Variants in ZFPM2 observed in about 807,000 individuals in gnomAD.
The protein encoded by ZFPM2 is zinc finger protein, FOG family member 2.
In ZFPM2, 20 loss-of-function variants were observed where a neutral mutation model predicts 98.6. That is an observed-to-expected ratio of 0.20 (90% CI 0.14 to 0.29). The LOEUF is 0.29. Ranked by LOEUF, ZFPM2 falls within the 10% of genes least tolerant of loss-of-function variation. ZFPM2 has a pLI of 1.00. For missense variants in ZFPM2, 1,310 were observed against 1,388.6 expected (o/e 0.94, Z 0.90); for synonymous variants, 518 against 502.7 (o/e 1.03, Z -0.41).
At chr8:105,599,129 A>C (rs1178964031) in intron 4 of ZFPM2, among the ~76,000 whole-genome samples, 4 of 152,044 alleles carry the variant, frequency 2.6e-5, no homozygotes, top group Non-Finnish European at 5.9e-5. Flanking sequence ...GAACCTAAGA[A>C]AAAAATTAAA....
chr8:105,415,177 C>T (rs1811657018), intron 1 of ZFPM2, among the ~76,000 whole-genome samples: 1 of 152,100 alleles, frequency 6.6e-6, no homozygotes, highest in African/African-American at 2.4e-5. Context: ...TCTCATTGTT[C>T]AACCAGTATA....
At chr8:105,326,845 A>AAT (rs143266803) in intron 1 of ZFPM2, among the ~76,000 whole-genome samples, 2,082 of 148,236 alleles carry the variant, frequency 0.014, 18 homozygotes, top group African/African-American at 0.033. Context: ...ACAACTCATA[A>AAT]ATATATATAT....
chr8:105,648,554 G>GTGTAAGGAA, intron 5 of ZFPM2, among the ~76,000 whole-genome samples: 1 of 152,172 alleles, frequency 6.6e-6, no homozygotes, highest in East Asian at 1.9e-4. Context: ...TAATTTTTAT[G>GTGTAAGGAA]TAAGGTGTAA....
chr8:105,429,609 A>AT (rs1206947811), intron 2 of ZFPM2, among the ~76,000 whole-genome samples: 3 of 151,374 alleles, frequency 2.0e-5, no homozygotes, highest in African/African-American at 4.9e-5. Flanking sequence ...GTACTCCTAT[A>AT]TTCTGTATTG....
intron 1 of ZFPM2, among the ~76,000 whole-genome samples, chr8:105,330,553 C>CACAT (rs1554594962): frequency 2.5e-4 from 23 of 92,442 alleles, no homozygotes; most frequent in Non-Finnish European, 1.5e-4. Flanking sequence ...TATATATATA[C>CACAT]ATATATATAT....
chr8:105,349,104 C>A (rs1185586876), intron 1 of ZFPM2, among the ~76,000 whole-genome samples: 1 of 152,054 alleles, frequency 6.6e-6, no homozygotes, highest in African/African-American at 2.4e-5. Context: ...ACAGGTTTTA[C>A]TATTATTTGG....
chr8:105,745,875 T>G (rs972847153), intron 5 of ZFPM2, among the ~76,000 whole-genome samples: 2 of 152,080 alleles, frequency 1.3e-5, no homozygotes, highest in Non-Finnish European at 2.9e-5. Flanking sequence ...TTCTCATGCC[T>G]CAGCCTCCTG....
intron 1 of ZFPM2, among the ~76,000 whole-genome samples, chr8:105,325,775 C>T (rs1294124222): frequency 6.6e-6 from 1 of 151,512 alleles, no homozygotes; most frequent in Non-Finnish European, 1.5e-5. Flanking sequence ...ACTGTCAGGC[C>T]GTCTTTTTGA....
At chr8:105,457,680 G>T (rs757316216) in intron 3 of ZFPM2, among the ~76,000 whole-genome samples, 6 of 152,178 alleles carry the variant, frequency 3.9e-5, no homozygotes, top group Non-Finnish European at 7.3e-5. Context: ...CTCATAGATA[G>T]AAAATGGTTT....
At chr8:105,513,824 A>T (rs548380577) in intron 3 of ZFPM2, among the ~76,000 whole-genome samples, 1 of 152,206 alleles carries the variant, frequency 6.6e-6, no homozygotes, top group South Asian at 2.1e-4. Flanking sequence ...TAATGTATGG[A>T]TTGGTTTATT....
Position 105,455,403 on chromosome 8 carries a change from T to C in ZFPM2, c.301+11022T>C, listed in dbSNP as rs965638103. Among the ~76,000 whole-genome samples, 4 of 152,188 alleles carry C rather than the reference T, an allele frequency of 2.6e-5. No individual in the cohort carries two copies. In the East Asian group the frequency reaches 7.7e-4, roughly 29 times the overall value. ...TGCAGCTTTTTCAAAACCGTTGTCATGAGAAGGGAGGTGAATTCAAGGCCA... is the reference window on the plus strand; with the variant it reads ...TGCAGCTTTTTCAAAACCGTTGTCACGAGAAGGGAGGTGAATTCAAGGCCA... On this transcript the variant is annotated intron_variant, in intron 3 of 7. Coordinates refer to ENST00000407775, the MANE Select transcript of ZFPM2 (RefSeq NM_012082.4).
chr8:105,694,537 T>C (rs920283879), intron 5 of ZFPM2, among the ~76,000 whole-genome samples: 2 of 152,238 alleles, frequency 1.3e-5, no homozygotes, highest in African/African-American at 4.8e-5. Flanking sequence ...AGTAACTCTT[T>C]ATGAATATTG....
intron 1 of ZFPM2, among the ~76,000 whole-genome samples, chr8:105,359,736 T>C (rs1234180609): frequency 1.3e-5 from 2 of 152,194 alleles, no homozygotes; most frequent in Non-Finnish European, 2.9e-5. Flanking sequence ...TCTCAATATT[T>C]CAATTGAAAA....
intron 4 of ZFPM2, among the ~76,000 whole-genome samples, chr8:105,576,948 G>C (rs1041742179): frequency 6.6e-6 from 1 of 151,498 alleles, no homozygotes; most frequent in African/African-American, 2.4e-5. Flanking sequence ...CCTTTATAGT[G>C]GTATGTTATT....
intron 1 of ZFPM2, among the ~76,000 whole-genome samples, chr8:105,378,665 G>A (rs1234640515): frequency 6.6e-6 from 1 of 152,138 alleles, no homozygotes; most frequent in African/African-American, 2.4e-5. Context: ...GAAACTACAA[G>A]AGCATCCTCA....
chr8:105,770,463 T>C (rs1812955009), intron 5 of ZFPM2, among the ~76,000 whole-genome samples: 1 of 152,124 alleles, frequency 6.6e-6, no homozygotes, highest in South Asian at 2.1e-4. Flanking sequence ...ATTTCTCTTC[T>C]GTTTCTAAAT....
At chr8:105,486,047 GA>G (rs1813225142) in intron 3 of ZFPM2, among the ~76,000 whole-genome samples, 2 of 152,126 alleles carry the variant, frequency 1.3e-5, no homozygotes, top group South Asian at 4.1e-4. Flanking sequence ...CAGGAGATGA[GA>G]AAATGGAGGC....
chr8:105,487,624 T>C (rs139105457), intron 3 of ZFPM2, among the ~76,000 whole-genome samples: 1,785 of 152,152 alleles, frequency 0.012, 17 homozygotes, highest in Non-Finnish European at 0.019. Context: ...TGTGTTCCAG[T>C]GAAACTTTAT....
Position 105,750,464 on chromosome 8 carries a change from G to A in ZFPM2, c.533-38254G>A, listed in dbSNP as rs575132948. Among the ~76,000 whole-genome samples, 5 of 152,030 alleles carry A rather than the reference G, an allele frequency of 3.3e-5. No homozygotes were observed. In the South Asian group the frequency reaches 6.2e-4, roughly 19 times the overall value. ...ATTAGTAGGTGAAATTGGGTTCTAC[G>A]TTTTAAAATTAATATCATTCAAGGA... On this transcript the variant is annotated intron_variant, in intron 5 of 7. Coordinates refer to ENST00000407775, the MANE Select transcript of ZFPM2 (RefSeq NM_012082.4).
Sources: gnomAD v4.1 joint callset for allele counts (sites outside exome capture counted in the v4.1 genomes callset) on GRCh38, gnomAD v4.1.1 for gene constraint, MANE v1.5 for transcripts, NCBI Gene and HGNC (gene_info 2026-07-23, HGNC 2026-07-21) for gene names.